PLB1: variants seen among roughly 807,000 people sequenced by gnomAD.
The protein encoded by PLB1 is phospholipase B1, membrane-associated.
PLB1 carries 242 observed loss-of-function variants against 227.4 expected under a neutral mutation model. That is an observed-to-expected ratio of 1.06 (90% CI 0.96 to 1.18). The LOEUF (loss-of-function observed/expected upper bound fraction) is 1.18, where lower values mean the gene tolerates loss of function less well. PLB1 is among the 50% of genes most tolerant of loss of function. PLB1 has a pLI of 0.00. For missense variants in PLB1, 1,858 were observed against 1,816.3 expected, an observed-to-expected ratio of 1.02 and a Z score of -0.42; for synonymous variants, 757 against 682.2, an observed-to-expected ratio of 1.11 and a Z score of -1.71.
intron 43 of PLB1, among the ~76,000 whole-genome samples, chr2:28,608,025 C>G (rs1289884133): frequency 6.6e-6 from 1 of 152,184 alleles, no homozygotes; most frequent in Non-Finnish European, 1.5e-5. Context: ...CCAGATCAGG[C>G]AGAGACCCCC....
At position 28,549,412 on chromosome 2, in the gene PLB1, C is replaced by CTTTTTTTTTTTTTTTT. The variant is rs746205635; in HGVS notation, c.1008+488_1008+503dup. Among the ~76,000 whole-genome samples the CTTTTTTTTTTTTTTTT allele has an allele frequency of 4.0e-4, 35 of 87,302 alleles. 6 individuals are homozygous for CTTTTTTTTTTTTTTTT. The highest frequency in any genetic ancestry group is 1.3e-3 in the African/African-American group (28 of 21,882). The allele number at this position is 87,302 out of a possible 152,430, so 57.3% of individuals were successfully genotyped here. On this transcript the variant is annotated intron_variant, in intron 15 of 57. Transcript: ENST00000327757. ...TGGACATAAATGAATGAGATTCTTT[C>CTTTTTTTTTTTTTTTT]TTTTTTTTTTTTTTTTTTTTTTGAG...
chr2:28,511,788 C>CTTT (rs59137589), intron 1 of PLB1, among the ~76,000 whole-genome samples: 5 of 132,672 alleles, frequency 3.8e-5, no homozygotes, highest in African/African-American at 1.4e-4. Context: ...GCCATTTTAT[C>CTTT]TTTTTTTTTT....
At chr2:28,518,701 T>C (rs952833612) in intron 3 of PLB1, among the ~76,000 whole-genome samples, 169 bp downstream of exon 3, 1 of 152,198 alleles carries the variant, frequency 6.6e-6, no homozygotes, top group Non-Finnish European at 1.5e-5. Flanking sequence ...CTGTCATATT[T>C]CCACAGTGGC....
At position 28,598,639 on chromosome 2, in the gene PLB1, C is replaced by T. The variant is rs772563649; in HGVS notation, c.2366-13C>T. 2 of 1,604,556 alleles carry T rather than the reference C, an allele frequency of 1.2e-6. No individual in the cohort carries two copies. Among genetic ancestry groups the T allele is most frequent in the South Asian group, 1.1e-5 (1 of 90,864 alleles). On this transcript the variant is annotated splice_polypyrimidine_tract_variant and intron_variant, in intron 34 of 57. Transcript: ENST00000327757. ...TTCTGAGCCGTCTGCATCCCATTCACCTTCTCTTCCAGATATCCTTCGGGA... is the reference window on the plus strand; with the variant it reads ...TTCTGAGCCGTCTGCATCCCATTCATCTTCTCTTCCAGATATCCTTCGGGA...
chr2:28,577,344 G>C (rs1055647700), intron 21 of PLB1, among the ~76,000 whole-genome samples: 4 of 152,266 alleles, frequency 2.6e-5, no homozygotes, highest in Admixed American at 2.6e-4. Flanking sequence ...GTTAGCAAAA[G>C]GCACCTAAGT....
intron 4 of PLB1, 89 bp downstream of exon 4, chr2:28,519,852 C>G: frequency 1.0e-6 from 1 of 958,218 alleles, no homozygotes; most frequent in Non-Finnish European, 1.6e-6. Flanking sequence ...CAGAACGTTT[C>G]ATTTTGGGAG....
At chr2:28,571,265 G>T (rs1040581051) in intron 20 of PLB1, among the ~76,000 whole-genome samples, 1 of 151,904 alleles carries the variant, frequency 6.6e-6, no homozygotes, top group Non-Finnish European at 1.5e-5. Context: ...CCAAAAAAGG[G>T]CATCGCTTTT....
intron 43 of PLB1, 94 bp from the exon 44 acceptor site, chr2:28,613,933 TTAAA>T (rs1196069851): frequency 2.6e-5 from 25 of 974,268 alleles, no homozygotes; most frequent in African/African-American, 1.1e-4. Context: ...AAGAATCATG[TTAAA>T]TAAATCTACA....
chr2:28,629,664 A>G (rs1688321164), intron 53 of PLB1, among the ~76,000 whole-genome samples: 1 of 152,200 alleles, frequency 6.6e-6, no homozygotes, highest in African/African-American at 2.4e-5. Context: ...TGAGGTCAAG[A>G]GGAAACAAGG....
chr2:28,592,577 T>C, intron 31 of PLB1, 84 bp from the exon 32 acceptor site: 1 of 1,369,318 alleles, frequency 7.3e-7, no homozygotes, highest in Non-Finnish European at 1.0e-6. Context: ...GATTGTGTTT[T>C]GGATCTTGCT....
rs372213097 is a variant in PLB1 at position 28,593,785 on chromosome 2, TC to T, written c.2321+37del. On this transcript the variant is annotated intron_variant, in intron 33 of 57. Transcript: ENST00000327757. ...GTTAACCTTTGACCTCTCCCAGCGT[TC>T]CCCCCACAACAGAGATTAGGTGTGG... 1.5e-4 allele frequency: 236 copies of T among 1,582,174 alleles called. 1 individual carries two copies. The East Asian group carries it at 5.2e-3, about 35-fold the overall frequency.
intron 4 of PLB1, among the ~76,000 whole-genome samples, chr2:28,523,851 G>C (rs1294587067): frequency 6.6e-6 from 1 of 152,178 alleles, no homozygotes; most frequent in Non-Finnish European, 1.5e-5. Flanking sequence ...TGACTCTGGG[G>C]GGTGCCCCCT....
At chr2:28,601,765 G>A in intron 37 of PLB1, 134 bp from the exon 38 acceptor site, 1 of 758,160 alleles carries the variant, frequency 1.3e-6, no homozygotes, top group Non-Finnish European at 2.3e-6. Flanking sequence ...TTTTGACATG[G>A]TGAGCTGGCC....
intron 44 of PLB1, among the ~76,000 whole-genome samples, chr2:28,616,259 T>A (rs1022719703): frequency 6.6e-6 from 1 of 152,200 alleles, no homozygotes; most frequent in African/African-American, 2.4e-5. Context: ...ATGGTAAATA[T>A]TTGAAGTGAG....
chr2:28,526,207 G>C (rs887586375), intron 6 of PLB1, among the ~76,000 whole-genome samples: 2 of 152,110 alleles, frequency 1.3e-5, no homozygotes, highest in Admixed American at 6.5e-5. Context: ...GGGAACCTAG[G>C]AGAGGGCTTA....
rs138575707 is a variant in PLB1 at position 28,497,980 on chromosome 2, G to A, written c.55+1811G>A. Among the ~76,000 whole-genome samples the A allele has an allele frequency of 5.5e-3, 828 of 151,594 alleles. 11 individuals are homozygous for A. Among genetic ancestry groups the A allele is most frequent in the African/African-American group, 0.019 (788 of 41,462 alleles). On this transcript the variant is annotated intron_variant, in intron 1 of 57. Transcript: ENST00000327757. The stretch of plus-strand genomic sequence containing the variant: ...GTGATCTGCCTGCCTCGGCCTCCCA[G>A]AGAGCTGGGATTACAGGTGTGAGCC...
At chr2:28,545,396 G>A (rs879552907) in intron 14 of PLB1, among the ~76,000 whole-genome samples, 11 of 152,154 alleles carry the variant, frequency 7.2e-5, no homozygotes, top group African/African-American at 2.7e-4. Flanking sequence ...CACAGTTCCC[G>A]GATCGAGCAC....
chr2:28,526,120 A>G (rs180889998), intron 6 of PLB1, among the ~76,000 whole-genome samples, 175 bp downstream of exon 6: 2 of 152,228 alleles, frequency 1.3e-5, no homozygotes, highest in Admixed American at 1.3e-4. Context: ...AAAAATCACA[A>G]ACCCTGAATG....
At chr2:28,505,662 G>A (rs1667565478) in intron 1 of PLB1, among the ~76,000 whole-genome samples, 1 of 152,182 alleles carries the variant, frequency 6.6e-6, no homozygotes, top group Non-Finnish European at 1.5e-5. Context: ...CATTTGTTTT[G>A]CAAGAGCCCA....
Sources: gnomAD v4.1 joint callset for allele counts (sites outside exome capture counted in the v4.1 genomes callset) on GRCh38, gnomAD v4.1.1 for gene constraint, MANE v1.5 for transcripts, NCBI Gene and HGNC (gene_info 2026-07-23, HGNC 2026-07-21) for gene names.